UBE2K: variants seen among roughly 807,000 people sequenced by gnomAD.
The protein encoded by UBE2K is ubiquitin conjugating enzyme E2 K, also known as ubiquitin-conjugating enzyme E2 K.
A neutral mutation model predicts 30.0 loss-of-function variants in UBE2K; 6 were observed. The ratio of observed to expected loss-of-function variants is 0.20; its 90% CI spans 0.11 to 0.39. The LOEUF (loss-of-function observed/expected upper bound fraction) is 0.39. Ranked by LOEUF, UBE2K falls within the 10% of genes least tolerant of loss-of-function variation. UBE2K has a pLI of 1.00. For synonymous variants in UBE2K, 86 were observed against 83.7 expected (o/e 1.03, Z -0.15); for missense variants, 61 against 241.6 (o/e 0.25, Z 4.96).
chr4:39,771,615 G>A (rs1183108549), intron 4 of UBE2K, among the ~76,000 whole-genome samples: 1 of 152,180 alleles, frequency 6.6e-6, no homozygotes, highest in African/African-American at 2.4e-5. Context: ...CCGGCTCCAC[G>A]TGGGCGTAAA....
chr4:39,748,620 CAA>C (rs33918227), intron 3 of UBE2K, among the ~76,000 whole-genome samples: 17,766 of 123,374 alleles, frequency 0.14, 1,164 homozygotes, highest in East Asian at 0.25. Context: ...TCTCTAGTCC[CAA>C]AAAAAAAAAA....
At chr4:39,715,171 G>T (rs1320340153) in intron 1 of UBE2K, among the ~76,000 whole-genome samples, 1 of 151,542 alleles carries the variant, frequency 6.6e-6, no homozygotes, top group Admixed American at 6.6e-5. Context: ...GACTACAGGC[G>T]CCCGCCACCA....
chr4:39,729,159 CG>C (rs1433351576), intron 1 of UBE2K, among the ~76,000 whole-genome samples: 1 of 151,744 alleles, frequency 6.6e-6, no homozygotes, highest in Admixed American at 6.6e-5. Context: ...TTAGTAGAGG[CG>C]GGGTTTCACC....
At chr4:39,727,319 G>A (rs1170871585) in intron 1 of UBE2K, among the ~76,000 whole-genome samples, 2 of 152,180 alleles carry the variant, frequency 1.3e-5, no homozygotes, top group African/African-American at 4.8e-5. Context: ...TTGAGGAGTA[G>A]CTTTGACTGT....
intron 1 of UBE2K, among the ~76,000 whole-genome samples, chr4:39,713,479 G>A (rs1000213341): frequency 6.6e-6 from 1 of 151,386 alleles, no homozygotes; most frequent in South Asian, 2.1e-4. Context: ...AATTCTTTAT[G>A]TTATTTATAT....
At chr4:39,705,030 A>G (rs1282255286) in intron 1 of UBE2K, among the ~76,000 whole-genome samples, 2 of 145,982 alleles carry the variant, frequency 1.4e-5, no homozygotes, top group Non-Finnish European at 3.0e-5. Context: ...GCCAGCATGC[A>G]TGGCTAATGT....
intron 1 of UBE2K, among the ~76,000 whole-genome samples, chr4:39,735,033 A>G (rs1016784065): frequency 2.0e-5 from 3 of 151,744 alleles, no homozygotes; most frequent in Admixed American, 1.3e-4. Context: ...GATTGTGGAA[A>G]GCTATCGAGA....
intron 4 of UBE2K, among the ~76,000 whole-genome samples, chr4:39,763,315 G>A (rs537495511): frequency 2.1e-5 from 3 of 144,918 alleles, no homozygotes; most frequent in Non-Finnish European, 3.0e-5. Flanking sequence ...GCAATGTCAC[G>A]ATGTTGGCTC....
intron 1 of UBE2K, among the ~76,000 whole-genome samples, chr4:39,735,821 T>C (rs1720347280): frequency 6.6e-6 from 1 of 152,156 alleles, no homozygotes. Flanking sequence ...GGATAAAAAA[T>C]ATTTTCAGAA....
At position 39,698,345 on chromosome 4, in the gene UBE2K, G is replaced by T. The variant is rs1457081285; in HGVS notation, c.18G>T (p.Val6=). The T allele has an allele frequency of 5.0e-6, 8 of 1,613,206 alleles. No homozygotes were observed. The highest frequency in any genetic ancestry group is 5.1e-6 in the Non-Finnish European group (6 of 1,179,746). The change falls in exon 1 of 7, where the codon GTG becomes GTT. Residue 6 remains valine (V), a synonymous_variant. Coordinates refer to ENST00000261427, the MANE Select transcript of UBE2K (RefSeq NM_005339.5). The stretch of plus-strand genomic sequence containing the variant: ...GCGGAGACATGGCCAACATCGCGGT[G>T]CAGCGAATCAAGCGGGAGTTCAAGG... MANIA[V]QRIKREFKEV...
intron 4 of UBE2K, chr4:39,770,871 T>A: frequency 6.5e-7 from 1 of 1,541,416 alleles, no homozygotes. Flanking sequence ...CAGCTCCAAG[T>A]CCTCATCCAG....
chr4:39,759,216 T>C (rs2109382120), intron 4 of UBE2K, among the ~76,000 whole-genome samples: 1 of 152,314 alleles, frequency 6.6e-6, no homozygotes, highest in East Asian at 1.9e-4. Context: ...CTTTTATTAA[T>C]GCATCTAGGG....
In UBE2K at chr4:39,728,498, A is replaced by G. The variant is rs1005296236; in HGVS notation, c.64-8922A>G. ...GTATTATTGTTGATCGTTCAGCAAC[A>G]TTACCCACTGTTTCCTTGAAATATT... On this transcript the variant is annotated intron_variant, in intron 1 of 6. Coordinates refer to ENST00000261427, the MANE Select transcript of UBE2K (RefSeq NM_005339.5). 3.9e-5 allele frequency among the ~76,000 whole-genome samples: 6 copies of G among 152,336 alleles called. No individual in the cohort carries two copies. In the South Asian group the frequency reaches 1.2e-3, roughly 32 times the overall value.
chr4:39,708,426 G>A (rs974121873), intron 1 of UBE2K, among the ~76,000 whole-genome samples: 2 of 151,936 alleles, frequency 1.3e-5, no homozygotes, highest in South Asian at 2.1e-4. Flanking sequence ...AAAGTAAAAT[G>A]TGTACGTAAT....
chr4:39,721,758 T>A (rs1560348322), intron 1 of UBE2K, among the ~76,000 whole-genome samples: 1 of 152,186 alleles, frequency 6.6e-6, no homozygotes. Flanking sequence ...ATGAATATAA[T>A]TCACTACCAA....
At chr4:39,710,572 C>T (rs990653218) in intron 1 of UBE2K, among the ~76,000 whole-genome samples, 1 of 152,058 alleles carries the variant, frequency 6.6e-6, no homozygotes, top group Non-Finnish European at 1.5e-5. Context: ...CCCTGCCTAT[C>T]TGACATTTTT....
At chr4:39,743,477 G>A (rs573184718) in intron 2 of UBE2K, among the ~76,000 whole-genome samples, 2 of 152,096 alleles carry the variant, frequency 1.3e-5, no homozygotes, top group South Asian at 2.1e-4. Flanking sequence ...GGTGACGGGC[G>A]CCTGTAGTCC....
intron 1 of UBE2K, among the ~76,000 whole-genome samples, chr4:39,733,912 A>G (rs1205263010): frequency 6.6e-6 from 1 of 152,138 alleles, no homozygotes; most frequent in Non-Finnish European, 1.5e-5. Context: ...TAAGACTTTA[A>G]GTTCGCTTGT....
intron 1 of UBE2K, among the ~76,000 whole-genome samples, chr4:39,706,034 C>G (rs1047993872): frequency 6.6e-6 from 1 of 151,856 alleles, no homozygotes; most frequent in Non-Finnish European, 1.5e-5. Context: ...TTTTTTGAGA[C>G]GGAGTCTCGC....
Sources: allele counts gnomAD v4.1 joint callset (sites outside exome capture counted in the v4.1 genomes callset), GRCh38; gene constraint gnomAD v4.1.1; transcripts MANE v1.5; gene names NCBI Gene and HGNC (gene_info 2026-07-23, HGNC 2026-07-21).